DPP6: variants seen among roughly 807,000 people sequenced by gnomAD.
The protein encoded by DPP6 is dipeptidyl peptidase like 6, also known as A-type potassium channel modulatory protein DPP6.
A neutral mutation model predicts 122.6 loss-of-function variants in DPP6; 69 were observed. The observed-to-expected ratio is 0.56, with a 90% CI of 0.46 to 0.69. DPP6 has a LOEUF of 0.69. DPP6 is among the 30% of genes least tolerant of loss of function. DPP6 has a pLI of 0.00. For missense variants in DPP6, 928 were observed against 1,116.9 expected, an observed-to-expected ratio of 0.83 and a Z score of 2.41; for synonymous variants, 418 against 433.1, an observed-to-expected ratio of 0.97 and a Z score of 0.43.
chr7:154,648,773 C>T (rs1377888941), intron 6 of DPP6, among the ~76,000 whole-genome samples: 2 of 152,024 alleles, frequency 1.3e-5, no homozygotes, highest in African/African-American at 2.4e-5. Flanking sequence ...CAAAAATTAG[C>T]TGGGTGTGGT....
the DPP6 span, among the ~76,000 whole-genome samples, chr7:153,803,844 C>T: frequency 9.6e-5 from 14 of 145,732 alleles, no homozygotes; most frequent in Middle Eastern, 3.4e-3. Flanking sequence ...TGTGTACATA[C>T]ACACACACAC....
rs148288363 is a variant in DPP6 at position 154,389,823 on chromosome 7, G to T, written c.244-56391G>T. On this transcript the variant is annotated intron_variant, in intron 1 of 25. Transcript: ENST00000377770. ...ATAGCAATTGAATTATTCCTAAAAG[G>T]ATTAAATACCTAAGCTTTGAAGTTG... is the stretch of plus-strand genomic sequence containing the variant. Among the ~76,000 whole-genome samples, 491 of 152,236 alleles carry T rather than the reference G, an allele frequency of 3.2e-3. 11 individuals carry two copies. The highest frequency in any genetic ancestry group is 0.025 in the Admixed American group (383 of 15,286).
intron 6 of DPP6, among the ~76,000 whole-genome samples, chr7:154,668,014 G>T (rs369639949): frequency 6.7e-6 from 1 of 150,320 alleles, no homozygotes; most frequent in Non-Finnish European, 1.5e-5. Flanking sequence ...TTATTCAGCC[G>T]TTGCTTTTGT....
intron 7 of DPP6, among the ~76,000 whole-genome samples, chr7:154,681,342 A>C (rs1839267866): frequency 6.6e-6 from 1 of 152,244 alleles, no homozygotes; most frequent in African/African-American, 2.4e-5. Flanking sequence ...TAGGTTAGAG[A>C]ATTTCAAGAT....
At chr7:154,720,275 G>T (rs190443817) in intron 7 of DPP6, among the ~76,000 whole-genome samples, 1 of 152,184 alleles carries the variant, frequency 6.6e-6, no homozygotes, top group Admixed American at 6.5e-5. Flanking sequence ...CAGGCAGGGC[G>T]CCAGGGCAGG....
the DPP6 span, among the ~76,000 whole-genome samples, chr7:153,799,440 T>C: frequency 6.6e-6 from 1 of 152,180 alleles, no homozygotes. Context: ...ATTGAGTGTT[T>C]GTTGTGTGCT....
chr7:154,333,124 T>C (rs1418497719), intron 1 of DPP6, among the ~76,000 whole-genome samples: 1 of 152,244 alleles, frequency 6.6e-6, no homozygotes, highest in African/African-American at 2.4e-5. Context: ...TTAATAGTTC[T>C]GCTTCAAGCG....
chr7:153,759,724 C>T, the DPP6 span, among the ~76,000 whole-genome samples: 3 of 151,916 alleles, frequency 2.0e-5, no homozygotes, highest in Admixed American at 1.3e-4. Context: ...AATATTAACT[C>T]GAAATGGATC....
At chr7:154,451,086 G>C (rs557240436) in intron 2 of DPP6, among the ~76,000 whole-genome samples, 2 of 152,090 alleles carry the variant, frequency 1.3e-5, no homozygotes, top group African/African-American at 4.8e-5. Flanking sequence ...GAATAAGGCC[G>C]GTGTGGTGGC....
chr7:154,620,560 A>G (rs1264705696), intron 5 of DPP6, among the ~76,000 whole-genome samples: 1 of 152,216 alleles, frequency 6.6e-6, no homozygotes. Flanking sequence ...TCTTAATGAC[A>G]CAAGTGTGCA....
chr7:154,462,766 C>A, intron 2 of DPP6, among the ~76,000 whole-genome samples: 2 of 151,866 alleles, frequency 1.3e-5, no homozygotes, highest in Non-Finnish European at 2.9e-5. Flanking sequence ...CGTCATTTAG[C>A]ATTAGGTATA....
chr7:154,600,123 T>C (rs1039057860), intron 5 of DPP6, among the ~76,000 whole-genome samples: 1 of 152,116 alleles, frequency 6.6e-6, no homozygotes, highest in Non-Finnish European at 1.5e-5. Flanking sequence ...ATTCCTTTTA[T>C]GTAACTTCCT....
At chr7:154,868,203 G>A (rs997003382) in intron 18 of DPP6, 110 bp downstream of exon 18, 45 of 1,390,872 alleles carry the variant, frequency 3.2e-5, no homozygotes, top group East Asian at 1.3e-4. Flanking sequence ...CCCCAAGCAC[G>A]GGGGTGTATC....
intron 5 of DPP6, among the ~76,000 whole-genome samples, chr7:154,636,657 T>G (rs1452285444): frequency 3.9e-5 from 6 of 152,238 alleles, no homozygotes; most frequent in Admixed American, 2.6e-4. Flanking sequence ...TTGTTTATTT[T>G]TATATCTGGG....
At chr7:154,431,831 C>G (rs1563660722) in intron 1 of DPP6, among the ~76,000 whole-genome samples, 1 of 152,152 alleles carries the variant, frequency 6.6e-6, no homozygotes, top group African/African-American at 2.4e-5. Flanking sequence ...CCGCACCCAG[C>G]CTTTCCTTCT....
At chr7:154,313,715 A>ATATATATATATG (rs1563460487) in intron 1 of DPP6, among the ~76,000 whole-genome samples, 12 of 35,788 alleles carry the variant, frequency 3.4e-4, no homozygotes, top group African/African-American at 5.3e-4. Context: ...ATATATATAT[A>ATATATATATATG]CACACACACG....
intron 1 of DPP6, among the ~76,000 whole-genome samples, chr7:154,325,340 C>A (rs1225040986): frequency 6.6e-6 from 1 of 152,180 alleles, no homozygotes; most frequent in African/African-American, 2.4e-5. Flanking sequence ...GCCTATATAG[C>A]AAATAGAAGT....
Position 154,892,813 on chromosome 7 carries a change from G to C in DPP6, c.*333G>C. ...GCCCCACGCGAGCCCACAGGACACC[G>C]GCCCCTAGATTCCAGCCACCAAGCG... On this transcript the variant is annotated 3_prime_UTR_variant, in exon 26 of 26. Coordinates refer to ENST00000377770, the MANE Select transcript of DPP6 (RefSeq NM_130797.4). 1 of 568,462 alleles carries C rather than the reference G, an allele frequency of 1.8e-6. No homozygotes were observed. Among genetic ancestry groups the C allele is most frequent in the Non-Finnish European group, 3.4e-6 (1 of 293,372 alleles). The allele number at this position is 568,462 out of a possible 1,614,324, so 35.2% of individuals were successfully genotyped here. A position where few individuals can be genotyped will look rare whatever the true frequency, so the allele number is the denominator to read the frequency against.
intron 7 of DPP6, among the ~76,000 whole-genome samples, chr7:154,677,979 T>C (rs1189464943): frequency 6.6e-6 from 1 of 152,180 alleles, no homozygotes; most frequent in East Asian, 1.9e-4. Flanking sequence ...TCTGTCTAGC[T>C]AAAGGTTTGT....
Sources: allele counts gnomAD v4.1 joint callset (sites outside exome capture counted in the v4.1 genomes callset), GRCh38; gene constraint gnomAD v4.1.1; transcripts MANE v1.5; gene names NCBI Gene and HGNC (gene_info 2026-07-23, HGNC 2026-07-21).